The following FMN2 variants were observed in gnomAD, a reference collection of about 807,000 sequenced individuals.
The protein encoded by FMN2 is formin 2, also known as formin-2.
FMN2 carries 51 observed loss-of-function variants against 142.3 expected under a neutral mutation model. The ratio of observed to expected loss-of-function variants is 0.36; its 90% CI spans 0.29 to 0.45. FMN2 has a LOEUF of 0.45. Ranked by LOEUF, FMN2 falls within the 20% of genes least tolerant of loss-of-function variation. The pLI is 1.00. For missense variants in FMN2, 1,936 were observed against 2,122.8 expected, an observed-to-expected ratio of 0.91 and a Z score of 1.73; for synonymous variants, 882 against 869.8, an observed-to-expected ratio of 1.01 and a Z score of -0.25.
chr1:240,367,781 A>C (rs1319672534), intron 14 of FMN2, among the ~76,000 whole-genome samples: 1 of 151,560 alleles, frequency 6.6e-6, no homozygotes, highest in Non-Finnish European at 1.5e-5. Context: ...AAAAAAAAAA[A>C]AAAAAAAAAA....
chr1:240,328,779 G>A (rs1671281189), intron 8 of FMN2, among the ~76,000 whole-genome samples: 1 of 151,832 alleles, frequency 6.6e-6, no homozygotes, highest in Non-Finnish European at 1.5e-5. Flanking sequence ...TAGTAGAGAT[G>A]GGGTTTCACC....
intron 8 of FMN2, among the ~76,000 whole-genome samples, chr1:240,314,485 A>T (rs1385600887): frequency 6.6e-6 from 1 of 152,190 alleles, no homozygotes; most frequent in Non-Finnish European, 1.5e-5. Flanking sequence ...CCAAATTTCT[A>T]CTTTTTAAAA....
At chr1:240,123,739 T>C (rs1455339999) in intron 2 of FMN2, among the ~76,000 whole-genome samples, 1 of 152,178 alleles carries the variant, frequency 6.6e-6, no homozygotes, top group African/African-American at 2.4e-5. Context: ...ATTGACGTGG[T>C]TGTGCATCCA....
At chr1:240,150,759 T>C (rs1663729753) in intron 2 of FMN2, among the ~76,000 whole-genome samples, 1 of 152,214 alleles carries the variant, frequency 6.6e-6, no homozygotes, top group Non-Finnish European at 1.5e-5. Flanking sequence ...GGTGTATTTT[T>C]TATAAAGAGA....
chr1:240,429,098 G>A (rs984868183), intron 15 of FMN2, among the ~76,000 whole-genome samples: 1 of 152,106 alleles, frequency 6.6e-6, no homozygotes, highest in Non-Finnish European at 1.5e-5. Context: ...CAGTTTTCAT[G>A]TGTGAGATGA....
chr1:240,383,649 T>G (rs1047863260), intron 14 of FMN2, among the ~76,000 whole-genome samples: 1 of 152,124 alleles, frequency 6.6e-6, no homozygotes, highest in African/African-American at 2.4e-5. Flanking sequence ...GGTAGGTATA[T>G]TAGTACAACC....
At chr1:240,333,839 T>C in intron 11 of FMN2, 48 bp from the exon 12 acceptor site, 1 of 1,415,082 alleles carries the variant, frequency 7.1e-7, no homozygotes, top group South Asian at 1.3e-5. Context: ...ACTTTATATT[T>C]AATTAGTTAA....
intron 1 of FMN2, among the ~76,000 whole-genome samples, chr1:240,111,260 C>T (rs1328014588): frequency 6.6e-6 from 1 of 152,048 alleles, no homozygotes; most frequent in South Asian, 2.1e-4. Context: ...TCAGTGTTAT[C>T]GGAAAGGGGT....
At chr1:240,199,469 T>TGTTA (rs1666048978) in intron 4 of FMN2, among the ~76,000 whole-genome samples, 2 of 152,222 alleles carry the variant, frequency 1.3e-5, no homozygotes, top group African/African-American at 4.8e-5. Context: ...GTAACCTTAA[T>TGTTA]GTTACAGTAA....
At chr1:240,242,366 T>C (rs1369429102) in intron 6 of FMN2, among the ~76,000 whole-genome samples, 2 of 152,220 alleles carry the variant, frequency 1.3e-5, no homozygotes, top group African/African-American at 2.4e-5. Flanking sequence ...ACACTAGTTT[T>C]TACTTGGTGG....
intron 15 of FMN2, among the ~76,000 whole-genome samples, chr1:240,430,115 T>C (rs970852676): frequency 6.6e-6 from 1 of 152,032 alleles, no homozygotes; most frequent in East Asian, 1.9e-4. Context: ...CTGGATCTCC[T>C]GACCTCATGA....
chr1:240,127,517 G>A (rs975345901), intron 2 of FMN2, among the ~76,000 whole-genome samples: 2 of 151,980 alleles, frequency 1.3e-5, no homozygotes, highest in Non-Finnish European at 2.9e-5. Context: ...TTGCTCTGTT[G>A]CCCAGGTTGG....
chr1:240,276,859 A>AT (rs1482111379), intron 7 of FMN2, among the ~76,000 whole-genome samples: 1 of 152,152 alleles, frequency 6.6e-6, no homozygotes, highest in East Asian at 1.9e-4. Flanking sequence ...CATATTTTCT[A>AT]TTTTTCGAGG....
At chr1:240,461,841 T>C (rs2103230183) in intron 16 of FMN2, among the ~76,000 whole-genome samples, 1 of 152,290 alleles carries the variant, frequency 6.6e-6, no homozygotes, top group African/African-American at 2.4e-5. Flanking sequence ...TCAAATGAGA[T>C]GGTGCACATG....
At chr1:240,312,912 T>C (rs1670644318) in intron 8 of FMN2, among the ~76,000 whole-genome samples, 1 of 152,176 alleles carries the variant, frequency 6.6e-6, no homozygotes, top group South Asian at 2.1e-4. Context: ...AGATTAGTGT[T>C]TTCCTTATAT....
chr1:240,126,647 T>C (rs1004291277), intron 2 of FMN2, among the ~76,000 whole-genome samples: 3 of 152,216 alleles, frequency 2.0e-5, no homozygotes, highest in African/African-American at 4.8e-5. Context: ...ATGATTAAGA[T>C]GTCAAGAACT....
chr1:240,175,468 C>A (rs1044915694), intron 2 of FMN2, among the ~76,000 whole-genome samples: 1 of 152,122 alleles, frequency 6.6e-6, no homozygotes, highest in Non-Finnish European at 1.5e-5. Context: ...CTTTCAATTT[C>A]TCCAATCCTT....
chr1:240,359,883 A>G (rs1003515680), intron 14 of FMN2, among the ~76,000 whole-genome samples: 1 of 152,208 alleles, frequency 6.6e-6, no homozygotes, highest in African/African-American at 2.4e-5. Context: ...AGCTTCATTA[A>G]GAAGGCAGTT....
chr1:240,208,108 C>T lies in FMN2; in HGVS notation c.3296C>T (p.Pro1099Leu), dbSNP rs370099468. ...CTACCCGGAGCGGGCATACCCCCTCCGCCCCCTCTACCCGGAGTGGGCATA... is the reference window on the plus strand; with the variant it reads ...CTACCCGGAGCGGGCATACCCCCTCTGCCCCCTCTACCCGGAGTGGGCATA... ...PPLPGAGIPP[P>L]PPLPGVGIPP... is the part of the protein sequence containing the mutation. Residue 1099 changes from proline to leucine, a missense_variant, in exon 5 of 18, where the codon CCG becomes CTG. Coordinates refer to ENST00000319653, the MANE Select transcript of FMN2 (RefSeq NM_020066.5). 51 of 1,113,638 alleles carry T rather than the reference C, an allele frequency of 4.6e-5. No homozygotes were observed. The African/African-American group carries it at 7.3e-4, about 16-fold the overall frequency. The allele number at this position is 1,113,638 out of a possible 1,614,324, so 69.0% of individuals were successfully genotyped here. A position where few individuals can be genotyped will look rare whatever the true frequency, so the allele number is the denominator to read the frequency against.
Sources: gnomAD v4.1 joint callset for allele counts (sites outside exome capture counted in the v4.1 genomes callset) on GRCh38, gnomAD v4.1.1 for gene constraint, MANE v1.5 for transcripts, NCBI Gene and HGNC (gene_info 2026-07-23, HGNC 2026-07-21) for gene names.